CDC14B: variants seen among roughly 807,000 people sequenced by gnomAD.
CDC14B encodes the protein dual specificity protein phosphatase CDC14B.
In CDC14B, 22 loss-of-function variants were observed where a neutral mutation model predicts 64.2. That is an observed-to-expected ratio of 0.34 (90% CI 0.24 to 0.49). CDC14B has a LOEUF of 0.49. CDC14B is among the 20% of genes least tolerant of loss of function. CDC14B has a pLI of 0.99. For missense variants in CDC14B, 498 were observed against 629.9 expected (o/e 0.79, Z 2.24); for synonymous variants, 191 against 215.8 (o/e 0.89, Z 1.01).
intron 13 of CDC14B, among the ~76,000 whole-genome samples, chr9:96,493,622 G>A (rs180682021): frequency 6.6e-6 from 1 of 152,300 alleles, no homozygotes; most frequent in African/African-American, 2.4e-5. Context: ...TTGAGGCCAG[G>A]AGCTCAAGAC....
chr9:96,508,580 T>C (rs1312085136), intron 13 of CDC14B, among the ~76,000 whole-genome samples: 1 of 152,232 alleles, frequency 6.6e-6, no homozygotes, highest in Non-Finnish European at 1.5e-5. Context: ...AAATTTTAAA[T>C]CCTGGAATCA....
At chr9:96,538,836 T>A (rs1587872766) in intron 7 of CDC14B, 2 of 421,624 alleles carry the variant, frequency 4.7e-6, no homozygotes, top group East Asian at 9.5e-5. Context: ...GTGTGTACTG[T>A]ATGCTTGAAA....
chr9:96,552,718 G>C (rs1317321969), intron 4 of CDC14B, among the ~76,000 whole-genome samples: 1 of 152,132 alleles, frequency 6.6e-6, no homozygotes, highest in Non-Finnish European at 1.5e-5. Context: ...CTCTAAGTAA[G>C]TCCTCTGCCT....
chr9:96,543,305 G>A (rs1199601675), intron 5 of CDC14B, among the ~76,000 whole-genome samples: 1 of 151,922 alleles, frequency 6.6e-6, no homozygotes. Context: ...TTGCACTCCA[G>A]CCTGGGTGAC....
chr9:96,584,684 C>T (rs564248433), intron 1 of CDC14B, among the ~76,000 whole-genome samples: 1 of 152,184 alleles, frequency 6.6e-6, no homozygotes, highest in East Asian at 1.9e-4. Flanking sequence ...GACGGAGTCC[C>T]GCTTTGTCGC....
chr9:96,560,649 T>C (rs1843031524), intron 4 of CDC14B, among the ~76,000 whole-genome samples: 1 of 148,900 alleles, frequency 6.7e-6, no homozygotes, highest in Admixed American at 6.7e-5. Flanking sequence ...TGTGGTGCGA[T>C]CTCGGCTCAT....
chr9:96,574,368 G>T (rs1281717361), intron 1 of CDC14B, among the ~76,000 whole-genome samples: 4 of 151,818 alleles, frequency 2.6e-5, no homozygotes, highest in African/African-American at 9.7e-5. Flanking sequence ...CATGTTTTTG[G>T]GTGTGGGGGA....
rs1362577966 is a variant in CDC14B at position 96,515,267 on chromosome 9, AG to A, written c.1344-5479del. ...ACATACTCAAGATACAGAAAACTAG[AG>A]GGAAATTGTATAGCCAACTGACGAA... On this transcript the variant is annotated intron_variant, in intron 12 of 13. Coordinates refer to ENST00000375241, the MANE Select transcript of CDC14B (RefSeq NM_033331.4). This position sits in a 1 kb window ranked among gnomAD's most constrained non-coding sequence, Gnocchi z 4.3. 3.3e-5 allele frequency among the ~76,000 whole-genome samples: 5 copies of A among 152,240 alleles called. No individual in the cohort carries two copies. Among genetic ancestry groups the A allele is most frequent in the Non-Finnish European group, 7.3e-5 (5 of 68,038 alleles).
intron 13 of CDC14B, among the ~76,000 whole-genome samples, chr9:96,494,267 G>A (rs565269132): frequency 1.3e-4 from 20 of 152,234 alleles, no homozygotes; most frequent in Non-Finnish European, 2.2e-4. Context: ...AAGCTGTTAG[G>A]AGAGGGGACA....
At chr9:96,573,056 C>T (rs1446605287) in intron 1 of CDC14B, among the ~76,000 whole-genome samples, 1 of 152,206 alleles carries the variant, frequency 6.6e-6, no homozygotes, top group Non-Finnish European at 1.5e-5. Flanking sequence ...TGCCTGTAAT[C>T]CCAGCACTTT....
At chr9:96,567,017 C>T (rs529857655) in intron 1 of CDC14B, 135 of 1,384,972 alleles carry the variant, frequency 9.7e-5, no homozygotes, top group Admixed American at 2.1e-4. Context: ...TGGAAAAAGC[C>T]CCGCGCGCGA....
chr9:96,556,116 T>TA (rs1842471184), intron 4 of CDC14B, among the ~76,000 whole-genome samples: 1 of 152,168 alleles, frequency 6.6e-6, no homozygotes, highest in Non-Finnish European at 1.5e-5. Flanking sequence ...TTTATATACT[T>TA]AGAGAGCCTC....
intron 1 of CDC14B, 37 bp downstream of exon 1, chr9:96,619,182 C>G (rs1486505560): frequency 8.2e-7 from 1 of 1,226,950 alleles, no homozygotes; most frequent in Non-Finnish European, 1.0e-6. Flanking sequence ...CGGGTGCGGC[C>G]GTCCGGGGCC....
At chr9:96,521,238 C>T (rs1460500742) in intron 12 of CDC14B, among the ~76,000 whole-genome samples, 1 of 152,030 alleles carries the variant, frequency 6.6e-6, no homozygotes, top group Non-Finnish European at 1.5e-5. Flanking sequence ...CACCATCATG[C>T]CCGGCTAGTT....
chr9:96,610,121 C>A (rs545522123), intron 1 of CDC14B, among the ~76,000 whole-genome samples: 16 of 150,582 alleles, frequency 1.1e-4, no homozygotes, highest in Middle Eastern at 3.4e-3. Flanking sequence ...ACACACACAC[C>A]CATTCAGATT....
Position 96,526,533 on chromosome 9 carries a change from C to T in CDC14B, c.947-2808G>A, listed in dbSNP as rs1486707876. ...GCCTCCAGAACTGTGAGAGAATTAA[C>T]TTCTGTTGTTTAAGCCACCCAGTTG... On this transcript the variant is annotated intron_variant, in intron 9 of 13. Coordinates refer to ENST00000375241, the MANE Select transcript of CDC14B (RefSeq NM_033331.4). Among the ~76,000 whole-genome samples, 3 of 152,184 alleles carry T rather than the reference C, an allele frequency of 2.0e-5. No homozygotes were observed. The East Asian group carries it at 5.8e-4, about 29-fold the overall frequency.
intron 13 of CDC14B, among the ~76,000 whole-genome samples, chr9:96,494,936 G>A (rs1833187481): frequency 6.6e-6 from 1 of 151,164 alleles, no homozygotes; most frequent in Non-Finnish European, 1.5e-5. Context: ...CCGGGTTCAT[G>A]CCATTCTCCT....
chr9:96,596,637 G>T (rs937208243), intron 1 of CDC14B, among the ~76,000 whole-genome samples: 1 of 152,074 alleles, frequency 6.6e-6, no homozygotes, highest in Non-Finnish European at 1.5e-5. Flanking sequence ...AAGGAGGGGG[G>T]ATTGCTTGGG....
chr9:96,607,171 A>C (rs185511841), intron 1 of CDC14B, among the ~76,000 whole-genome samples: 200 of 152,188 alleles, frequency 1.3e-3, no homozygotes, highest in African/African-American at 3.8e-3. Context: ...GGAAATTCCC[A>C]AAACTCTCAC....
Sources: allele counts gnomAD v4.1 joint callset (sites outside exome capture counted in the v4.1 genomes callset), GRCh38; gene constraint gnomAD v4.1.1; non-coding constraint Gnocchi (gnomAD v3.1); transcripts MANE v1.5; gene names NCBI Gene and HGNC (gene_info 2026-07-23, HGNC 2026-07-21).